GPC5: variants seen among roughly 807,000 people sequenced by gnomAD.
The protein encoded by GPC5 is glypican-5.
GPC5 carries 47 observed loss-of-function variants against 53.9 expected under a neutral mutation model. That is an observed-to-expected ratio of 0.87 (90% CI 0.69 to 1.11). The LOEUF is 1.11. GPC5 is among the 50% of genes most tolerant of loss of function. The probability of loss-of-function intolerance (pLI) is 0.00; values close to 1 mark genes in which losing one functional copy is unlikely to be tolerated. For missense variants in GPC5, 748 were observed against 713.1 expected (o/e 1.05, Z -0.56); for synonymous variants, 286 against 263.3 (o/e 1.09, Z -0.84).
At chr13:92,349,710 A>G (rs1292160252) in intron 7 of GPC5, among the ~76,000 whole-genome samples, 2 of 152,104 alleles carry the variant, frequency 1.3e-5, no homozygotes, top group Non-Finnish European at 2.9e-5. Context: ...AAAAATCTGA[A>G]ATGACCAATA....
chr13:91,446,751 T>C (rs1880835501), intron 1 of GPC5, among the ~76,000 whole-genome samples: 1 of 152,206 alleles, frequency 6.6e-6, no homozygotes, highest in African/African-American at 2.4e-5. Flanking sequence ...ATATAGTAAC[T>C]TAGGGAACAC....
chr13:92,584,460 T>C (rs765133636), intron 7 of GPC5, among the ~76,000 whole-genome samples: 1 of 152,184 alleles, frequency 6.6e-6, no homozygotes, highest in Non-Finnish European at 1.5e-5. Context: ...GCAAAAGACA[T>C]TTATAAGCAG....
intron 5 of GPC5, among the ~76,000 whole-genome samples, chr13:91,872,543 A>T (rs2039157708): frequency 6.6e-6 from 1 of 152,108 alleles, no homozygotes. Context: ...TAATCAAGAA[A>T]ATTAAGGTGT....
rs1217271860 is a variant in GPC5, at chr13:91,571,902, T to C, written c.326-121285T>C. 9.1e-4 allele frequency among the ~76,000 whole-genome samples: 53 copies of C among 58,436 alleles called. 2 individuals are homozygous for C. Among genetic ancestry groups the C allele is most frequent in the Non-Finnish European group, 1.3e-3 (42 of 32,156 alleles). The allele number at this position is 58,436 out of a possible 152,430, so 38.3% of individuals were successfully genotyped here. A position where few individuals can be genotyped will look rare whatever the true frequency, so the allele number is the denominator to read the frequency against. On this transcript the variant is annotated intron_variant, in intron 2 of 7. Coordinates refer to ENST00000377067, the MANE Select transcript of GPC5 (RefSeq NM_004466.6). Reference sequence around the variant, plus strand: ...ACACATATACGTGTGTATATACACATATTGTATATATACACATATTGTATA... The same window carrying C: ...ACACATATACGTGTGTATATACACACATTGTATATATACACATATTGTATA...
chr13:91,584,826 C>T (rs762052659), intron 2 of GPC5, among the ~76,000 whole-genome samples: 5 of 152,058 alleles, frequency 3.3e-5, no homozygotes, highest in Non-Finnish European at 5.9e-5. Flanking sequence ...GTGATCTGCC[C>T]GCCCGGTCTC....
chr13:92,624,638 C>T (rs980450677), intron 7 of GPC5, among the ~76,000 whole-genome samples: 7 of 152,186 alleles, frequency 4.6e-5, no homozygotes, highest in African/African-American at 1.7e-4. Flanking sequence ...CTAAGCCCCA[C>T]TTTACCCAAT....
At chr13:92,525,151 A>T (rs1230434780) in intron 7 of GPC5, among the ~76,000 whole-genome samples, 1 of 151,882 alleles carries the variant, frequency 6.6e-6, no homozygotes, top group Non-Finnish European at 1.5e-5. Context: ...TAGCCCTCCC[A>T]TTGATTTTCT....
chr13:92,309,455 C>T (rs2043131946), intron 7 of GPC5, among the ~76,000 whole-genome samples: 1 of 152,034 alleles, frequency 6.6e-6, no homozygotes, highest in Admixed American at 6.6e-5. Context: ...TACTCATACA[C>T]AAAATTATTG....
intron 7 of GPC5, among the ~76,000 whole-genome samples, chr13:92,652,280 G>C (rs1179731136): frequency 1.3e-5 from 2 of 152,008 alleles, no homozygotes; most frequent in African/African-American, 2.4e-5. Flanking sequence ...TCATTAATGT[G>C]ACATCAAGTG....
chr13:91,752,601 A>G (rs1250758295), intron 4 of GPC5, among the ~76,000 whole-genome samples: 5 of 152,204 alleles, frequency 3.3e-5, no homozygotes. Flanking sequence ...TAGTTTTCAT[A>G]GTGCTTTAAC....
At chr13:91,481,977 A>G (rs1419714114) in intron 2 of GPC5, among the ~76,000 whole-genome samples, 1 of 152,178 alleles carries the variant, frequency 6.6e-6, no homozygotes, top group Non-Finnish European at 1.5e-5. Flanking sequence ...CAAATTTGAC[A>G]GCCTTTTGAA....
At chr13:92,423,003 C>A (rs1396564122) in intron 7 of GPC5, among the ~76,000 whole-genome samples, 1 of 152,168 alleles carries the variant, frequency 6.6e-6, no homozygotes, top group African/African-American at 2.4e-5. Context: ...TTATTTCTCG[C>A]AGTTCTGAAG....
intron 7 of GPC5, among the ~76,000 whole-genome samples, chr13:92,515,706 C>T (rs555551387): frequency 6.6e-6 from 1 of 152,116 alleles, no homozygotes; most frequent in East Asian, 1.9e-4. Flanking sequence ...TTATTAACCA[C>T]CAAAAATGGA....
chr13:92,674,471 A>C (rs1401150674), intron 7 of GPC5, among the ~76,000 whole-genome samples: 1 of 152,078 alleles, frequency 6.6e-6, no homozygotes, highest in East Asian at 1.9e-4. Context: ...GAGATAGGAC[A>C]AAGACCAAAT....
At chr13:92,667,586 T>C (rs1332637931) in intron 7 of GPC5, among the ~76,000 whole-genome samples, 3 of 152,124 alleles carry the variant, frequency 2.0e-5, no homozygotes, top group African/African-American at 7.2e-5. Flanking sequence ...GAAGGGCATA[T>C]TGTCATCTAT....
At chr13:91,402,949 A>G (rs1201245541) in intron 1 of GPC5, among the ~76,000 whole-genome samples, 1 of 152,338 alleles carries the variant, frequency 6.6e-6, no homozygotes, top group Non-Finnish European at 1.5e-5. Context: ...GCTAGCTGCA[A>G]TGCCCATAAC....
At chr13:92,504,473 A>G (rs1203411282) in intron 7 of GPC5, among the ~76,000 whole-genome samples, 1 of 152,048 alleles carries the variant, frequency 6.6e-6, no homozygotes, top group Non-Finnish European at 1.5e-5. Flanking sequence ...TTCTTGGCCA[A>G]TATATAAAAC....
intron 7 of GPC5, among the ~76,000 whole-genome samples, chr13:92,542,412 C>T (rs1881960771): frequency 6.6e-6 from 1 of 152,010 alleles, no homozygotes; most frequent in Non-Finnish European, 1.5e-5. Flanking sequence ...ACATTTTCAG[C>T]TTCTACATAT....
chr13:92,677,115 C>A (rs527628155), intron 7 of GPC5, among the ~76,000 whole-genome samples: 8 of 152,118 alleles, frequency 5.3e-5, no homozygotes, highest in Non-Finnish European at 1.2e-4. Context: ...AGTACGAAAA[C>A]CTTTAACTTA....
Sources: allele counts gnomAD v4.1 joint callset (sites outside exome capture counted in the v4.1 genomes callset), GRCh38; gene constraint gnomAD v4.1.1; transcripts MANE v1.5; gene names NCBI Gene and HGNC (gene_info 2026-07-23, HGNC 2026-07-21).